Variants in IQGAP2 observed in about 807,000 individuals in gnomAD.
IQGAP2 encodes the protein IQ motif containing GTPase activating protein 2, also known as ras GTPase-activating-like protein IQGAP2.
IQGAP2 carries 173 observed loss-of-function variants against 201.3 expected under a neutral mutation model. That is an observed-to-expected ratio of 0.86 (90% CI 0.76 to 0.98). The LOEUF is 0.98. Among genes scored for constraint, IQGAP2 ranks in the 50% least tolerant of loss-of-function variants. IQGAP2 has a pLI of 0.00. For synonymous variants in IQGAP2, 675 were observed against 673.9 expected (o/e 1.00, Z -0.03); for missense variants, 1,687 against 1,864.8 (o/e 0.90, Z 1.76).
intron 21 of IQGAP2, among the ~76,000 whole-genome samples, chr5:76,661,466 A>G (rs984350561): frequency 1.3e-5 from 2 of 152,222 alleles, no homozygotes; most frequent in Non-Finnish European, 2.9e-5. Flanking sequence ...TAAAATTCCC[A>G]TTCATGAGTA....
At chr5:76,595,367 A>T (rs1261359109) in intron 9 of IQGAP2, among the ~76,000 whole-genome samples, 1 of 150,558 alleles carries the variant, frequency 6.6e-6, no homozygotes, top group African/African-American at 2.4e-5. Flanking sequence ...AGGATTACAG[A>T]CAAAAGCTAC....
At chr5:76,487,145 C>T (rs984519671) in intron 2 of IQGAP2, among the ~76,000 whole-genome samples, 9 of 149,150 alleles carry the variant, frequency 6.0e-5, no homozygotes, top group Non-Finnish European at 1.0e-4. Flanking sequence ...GTCACCCAGG[C>T]TGGAGTGCAG....
chr5:76,560,954 A>G (rs956906495), intron 2 of IQGAP2, among the ~76,000 whole-genome samples: 5 of 152,222 alleles, frequency 3.3e-5, no homozygotes, highest in Admixed American at 6.5e-5. Flanking sequence ...GAGATTAACA[A>G]CAGTAACTAA....
rs755141048 is a variant in IQGAP2, at chr5:76,600,844, T to C, written c.1104T>C (p.Ala368=). 2.0e-5 allele frequency: 32 copies of C among 1,614,148 alleles called. No homozygotes were observed. The highest frequency in any genetic ancestry group is 5.5e-5 in the South Asian group (5 of 91,082). ...TGGCCCACGAGGAGCTTTTGATTGC[T>C]GTGGAAATGTTGTCTGCTGTTGCTT... The part of the protein sequence containing the change: ...NYLAHEELLI[A]VEMLSAVALL... The change falls in exon 11 of 36, where the codon GCT becomes GCC. Residue 368 remains alanine (A), a synonymous_variant. Coordinates refer to ENST00000274364, the MANE Select transcript of IQGAP2 (RefSeq NM_006633.5).
chr5:76,422,520 A>G (rs924062854), intron 1 of IQGAP2, among the ~76,000 whole-genome samples: 5 of 152,242 alleles, frequency 3.3e-5, no homozygotes, highest in African/African-American at 1.2e-4. Context: ...AGCTTGTGCT[A>G]AGTACTCTGT....
chr5:76,511,902 G>A (rs1026940321), intron 2 of IQGAP2, among the ~76,000 whole-genome samples: 4 of 151,874 alleles, frequency 2.6e-5, no homozygotes, highest in Non-Finnish European at 2.9e-5. Flanking sequence ...GGATGGTCTC[G>A]ATCTCCTGAC....
At chr5:76,584,620 G>A (rs1433009988) in intron 5 of IQGAP2, among the ~76,000 whole-genome samples, 1 of 151,982 alleles carries the variant, frequency 6.6e-6, no homozygotes, top group Non-Finnish European at 1.5e-5. Context: ...CTGATAGCGG[G>A]ATAGCATGCC....
At chr5:76,449,422 T>A (rs1672409518) in intron 1 of IQGAP2, among the ~76,000 whole-genome samples, 1 of 152,198 alleles carries the variant, frequency 6.6e-6, no homozygotes. Flanking sequence ...GTTAAATGGG[T>A]CTTCTCCTGT....
intron 2 of IQGAP2, among the ~76,000 whole-genome samples, chr5:76,529,438 G>A (rs995159042): frequency 3.9e-5 from 6 of 151,928 alleles, no homozygotes; most frequent in African/African-American, 1.5e-4. Context: ...GATCAGCCTG[G>A]CCAACATGGT....
chr5:76,421,385 A>G (rs1247207040), intron 1 of IQGAP2, among the ~76,000 whole-genome samples: 3 of 152,082 alleles, frequency 2.0e-5, no homozygotes, highest in Non-Finnish European at 4.4e-5. Flanking sequence ...AAGCTGAGGC[A>G]GGAGGATCGC....
At chr5:76,489,201 C>T (rs1284027390) in intron 2 of IQGAP2, among the ~76,000 whole-genome samples, 1 of 152,150 alleles carries the variant, frequency 6.6e-6, no homozygotes, top group Non-Finnish European at 1.5e-5. Context: ...TCTGGAGAGC[C>T]TGCCTGGTGG....
intron 2 of IQGAP2, among the ~76,000 whole-genome samples, chr5:76,502,918 T>G (rs1245351035): frequency 6.7e-6 from 1 of 149,616 alleles, no homozygotes; most frequent in Non-Finnish European, 1.5e-5. Context: ...TTTTTTTAAT[T>G]CTTGGTAGAG....
chr5:76,411,902 G>A lies in IQGAP2; in HGVS notation c.46+8311G>A, dbSNP rs534245537. 7.2e-5 allele frequency among the ~76,000 whole-genome samples: 11 copies of A among 151,844 alleles called. No individual in the cohort carries two copies. In the South Asian group the frequency reaches 8.3e-4, roughly 11 times the overall value. On this transcript the variant is annotated intron_variant, in intron 1 of 35. Transcript: ENST00000274364. ...GAGCCATTGGGAAGGCTGAGTGAAC[G>A]GGGAACCTTTTTGTGTAAGAAAGGG...
At chr5:76,704,843 A>G (rs1388365780) in intron 35 of IQGAP2, among the ~76,000 whole-genome samples, 2 of 152,236 alleles carry the variant, frequency 1.3e-5, no homozygotes, top group Admixed American at 1.3e-4. Context: ...TGTGATGGCC[A>G]GGTCCTTACT....
At chr5:76,425,510 C>A (rs1042025818) in intron 1 of IQGAP2, among the ~76,000 whole-genome samples, 1 of 152,042 alleles carries the variant, frequency 6.6e-6, no homozygotes, top group African/African-American at 2.4e-5. Context: ...GAAGTTAGAA[C>A]CTAAATAGTA....
intron 9 of IQGAP2, among the ~76,000 whole-genome samples, chr5:76,594,626 A>G (rs192293030): frequency 2.0e-5 from 3 of 152,146 alleles, no homozygotes; most frequent in Admixed American, 2.0e-4. Context: ...TAGGAAAAAA[A>G]CCCTCATTTT....
intron 1 of IQGAP2, among the ~76,000 whole-genome samples, chr5:76,404,696 G>A (rs765332653): frequency 6.6e-6 from 1 of 152,200 alleles, no homozygotes; most frequent in Non-Finnish European, 1.5e-5. Flanking sequence ...GTCAAAGATG[G>A]GAGGTTATCT....
intron 2 of IQGAP2, among the ~76,000 whole-genome samples, chr5:76,555,991 A>G (rs888252200): frequency 7.2e-5 from 11 of 152,314 alleles, no homozygotes; most frequent in Middle Eastern, 3.4e-3. Context: ...TGTCTGGGGT[A>G]TATACCCTGG....
At chr5:76,590,270 C>T (rs1746554027) in intron 7 of IQGAP2, 138 bp from the exon 8 acceptor site, 2 of 673,624 alleles carry the variant, frequency 3.0e-6, no homozygotes, top group East Asian at 5.1e-5. Context: ...CATAATATGT[C>T]TCAGTTCTCT....
Sources: allele counts gnomAD v4.1 joint callset (sites outside exome capture counted in the v4.1 genomes callset), GRCh38; gene constraint gnomAD v4.1.1; transcripts MANE v1.5; gene names NCBI Gene and HGNC (gene_info 2026-07-23, HGNC 2026-07-21).